The following GALK2 variants were observed in gnomAD, a reference collection of about 807,000 sequenced individuals.
GALK2 encodes galactokinase 2, also known as N-acetylgalactosamine kinase.
In GALK2, 36 loss-of-function variants were observed where a neutral mutation model predicts 52.4. The ratio of observed to expected loss-of-function variants is 0.69; its 90% CI spans 0.53 to 0.91. GALK2 has a LOEUF of 0.91. GALK2 is among the 40% of genes least tolerant of loss of function. The probability of loss-of-function intolerance (pLI) is 0.00; values close to 1 mark genes in which losing one functional copy is unlikely to be tolerated. For missense variants in GALK2, 579 were observed against 559.1 expected, an observed-to-expected ratio of 1.04 and a Z score of -0.36; for synonymous variants, 176 against 199.1, an observed-to-expected ratio of 0.88 and a Z score of 0.98.
intron 1 of GALK2, among the ~76,000 whole-genome samples, chr15:49,171,451 C>T (rs1475154287): frequency 1.3e-5 from 2 of 152,128 alleles, no homozygotes; most frequent in Non-Finnish European, 2.9e-5. Context: ...TAAGCTCTTC[C>T]TACTTGGTGG....
At chr15:49,234,000 A>G (rs1230965416) in intron 3 of GALK2, among the ~76,000 whole-genome samples, 1 of 152,168 alleles carries the variant, frequency 6.6e-6, no homozygotes, top group East Asian at 1.9e-4. Context: ...GCCACTTAAT[A>G]TATTTTAAAA....
chr15:49,258,570 AAC>A (rs1893424996), intron 5 of GALK2, among the ~76,000 whole-genome samples: 2 of 152,076 alleles, frequency 1.3e-5, no homozygotes, highest in Non-Finnish European at 2.9e-5. Context: ...TACATGCTTT[AAC>A]CACTGTGCTA....
At chr15:49,340,651 T>C (rs776385669) in intron 3 of GALK2, among the ~76,000 whole-genome samples, 4 of 152,194 alleles carry the variant, frequency 2.6e-5, no homozygotes, top group Admixed American at 6.5e-5. Context: ...TCCTTACAGA[T>C]TCTGGATATA....
At chr15:49,174,696 G>T (rs2085326463) in intron 1 of GALK2, among the ~76,000 whole-genome samples, 1 of 151,994 alleles carries the variant, frequency 6.6e-6, no homozygotes, top group Admixed American at 6.6e-5. Context: ...TTTTGTATTT[G>T]TATGTATTTT....
At chr15:49,314,267 C>G (rs2036229828) in intron 8 of GALK2, among the ~76,000 whole-genome samples, 1 of 152,154 alleles carries the variant, frequency 6.6e-6, no homozygotes, top group African/African-American at 2.4e-5. Context: ...TATATTCTTT[C>G]TCTTTTATTT....
intron 5 of GALK2, among the ~76,000 whole-genome samples, chr15:49,278,224 G>C (rs1359533941): frequency 6.6e-6 from 1 of 152,204 alleles, no homozygotes; most frequent in African/African-American, 2.4e-5. Flanking sequence ...TCGCACCACT[G>C]TACTCCAGCC....
chr15:49,343,485 G>A (rs1163884708), intron 3 of GALK2: 1 of 152,110 alleles, frequency 6.6e-6, no homozygotes, highest in Non-Finnish European at 1.5e-5. Context: ...AGGCTGTTGA[G>A]CAAGATGGAA....
At chr15:49,271,962 G>A (rs930419825) in intron 5 of GALK2, among the ~76,000 whole-genome samples, 1 of 152,198 alleles carries the variant, frequency 6.6e-6, no homozygotes, top group African/African-American at 2.4e-5. Flanking sequence ...AATCAGAAAT[G>A]TCTGCCTCCT....
intron 1 of GALK2, among the ~76,000 whole-genome samples, chr15:49,179,011 A>G (rs1443436706): frequency 6.6e-6 from 1 of 151,850 alleles, no homozygotes; most frequent in Non-Finnish European, 1.5e-5. Flanking sequence ...TTTTATTTTC[A>G]CCATCATAAC....
intron 8 of GALK2, among the ~76,000 whole-genome samples, chr15:49,300,649 C>T (rs2035034288): frequency 6.6e-6 from 1 of 152,056 alleles, no homozygotes. Flanking sequence ...TATCCCCATG[C>T]TGCTGTTTTC....
intron 1 of GALK2, among the ~76,000 whole-genome samples, chr15:49,186,779 C>T (rs1349329494): frequency 2.6e-5 from 4 of 152,040 alleles, no homozygotes; most frequent in Non-Finnish European, 4.4e-5. Context: ...CCTCATGATC[C>T]GCCCACCTTG....
At chr15:49,349,048 T>C (rs976291080) in intron 3 of GALK2, among the ~76,000 whole-genome samples, 1 of 152,214 alleles carries the variant, frequency 6.6e-6, no homozygotes, top group African/African-American at 2.4e-5. Context: ...CCTGATTACC[T>C]AAAGCAACTG....
intron 3 of GALK2, among the ~76,000 whole-genome samples, chr15:49,225,957 A>C (rs2090109524): frequency 6.6e-6 from 1 of 152,344 alleles, no homozygotes; most frequent in Middle Eastern, 3.4e-3. Context: ...GCAGCTGGGC[A>C]GAGGCCTTGG....
chr15:49,155,793 C>T (rs376158843), exon 1 of GALK2: 87 of 682,766 alleles, frequency 1.3e-4, no homozygotes, highest in African/African-American at 1.2e-3. Context: ...GGTGCCTTAG[C>T]AACTAAAGCT....
rs568758380 is a variant in GALK2 at position 49,243,948 on chromosome 15, C to A, written c.504+4581C>A. ...GACCAGCCTGGGCAACACAGTGAGA[C>A]CTTGTCTCAAAAAAAGAGAACAGAC... On this transcript the variant is annotated intron_variant, in intron 5 of 9. Transcript: ENST00000560031. Among the ~76,000 whole-genome samples the A allele has an allele frequency of 6.6e-5, 10 of 151,558 alleles. No individual in the cohort carries two copies. In the South Asian group the frequency reaches 2.1e-3, roughly 32 times the overall value.
At chr15:49,349,133 T>C (rs1021192601) in intron 3 of GALK2, among the ~76,000 whole-genome samples, 4 of 152,152 alleles carry the variant, frequency 2.6e-5, no homozygotes, top group African/African-American at 9.7e-5. Context: ...GTATATTTTA[T>C]TAAAAGAAAA....
At chr15:49,202,490 A>G (rs2087869696) in intron 2 of GALK2, among the ~76,000 whole-genome samples, 1 of 152,186 alleles carries the variant, frequency 6.6e-6, no homozygotes, top group African/African-American at 2.4e-5. Context: ...CACTTAACAT[A>G]ATGTCCTCTA....
At chr15:49,197,560 A>G (rs1198569976) in intron 1 of GALK2, among the ~76,000 whole-genome samples, 4 of 152,200 alleles carry the variant, frequency 2.6e-5, no homozygotes, top group Non-Finnish European at 5.9e-5. Context: ...CTTTATTCAC[A>G]TAGCATGAAG....
At chr15:49,170,179 C>A, upstream of GALK2, 1 of 1,469,374 alleles carries the variant, frequency 6.8e-7, no homozygotes, top group Non-Finnish European at 9.0e-7. Context: ...AAGCAGCCAC[C>A]TCAGCGAAGC....
Sources: allele counts gnomAD v4.1 joint callset (sites outside exome capture counted in the v4.1 genomes callset), GRCh38; gene constraint gnomAD v4.1.1; transcripts MANE v1.5; gene names NCBI Gene and HGNC (gene_info 2026-07-23, HGNC 2026-07-21).